Variants in SERINC5 observed in about 807,000 individuals in gnomAD.
SERINC5 encodes the protein serine incorporator 5, also known as chromosome 5 open reading frame 12.
In SERINC5, 41 loss-of-function variants were observed where a neutral mutation model predicts 63.1. The observed-to-expected ratio is 0.65, with a 90% CI of 0.51 to 0.84. The LOEUF is 0.84. SERINC5 is among the 40% of genes least tolerant of loss of function. The pLI is 0.00. For missense variants in SERINC5, 523 were observed against 573.0 expected, an observed-to-expected ratio of 0.91 and a Z score of 0.89; for synonymous variants, 222 against 215.2, an observed-to-expected ratio of 1.03 and a Z score of -0.28.
At chr5:80,225,573 T>C (rs1482920890) in intron 1 of SERINC5, among the ~76,000 whole-genome samples, 2 of 152,198 alleles carry the variant, frequency 1.3e-5, no homozygotes, top group East Asian at 3.9e-4. Flanking sequence ...TTCTTCCTGA[T>C]AGCACCCTGC....
At chr5:80,182,795 T>A (rs1748538158) in intron 2 of SERINC5, among the ~76,000 whole-genome samples, 2 of 152,050 alleles carry the variant, frequency 1.3e-5, no homozygotes, top group Admixed American at 1.3e-4. Flanking sequence ...ATCCGCCCAC[T>A]TCAGCCTCCC....
At chr5:80,227,763 C>A (rs1751235460) in intron 1 of SERINC5, among the ~76,000 whole-genome samples, 1 of 152,134 alleles carries the variant, frequency 6.6e-6, no homozygotes, top group African/African-American at 2.4e-5. Flanking sequence ...GCATGAGAAT[C>A]GCTTGAACCC....
intron 1 of SERINC5, among the ~76,000 whole-genome samples, chr5:80,225,774 A>C (rs1047360201): frequency 6.6e-6 from 1 of 152,194 alleles, no homozygotes; most frequent in Non-Finnish European, 1.5e-5. Context: ...ACAAAGCCCT[A>C]AAGACGGAAC....
At chr5:80,161,185 T>C (rs1361451453) in intron 7 of SERINC5, among the ~76,000 whole-genome samples, 1 of 152,060 alleles carries the variant, frequency 6.6e-6, no homozygotes, top group South Asian at 2.1e-4. Flanking sequence ...CTTTTTGATA[T>C]AATGATTTAT....
In SERINC5 at chr5:80,178,864, T is replaced by C. The variant is rs550886013; in HGVS notation, c.196-800A>G. On this transcript the variant is annotated intron_variant, in intron 2 of 11. Coordinates refer to ENST00000507668, the MANE Select transcript of SERINC5 (RefSeq NM_001174072.3). ...ATACATAAATGTGTGTGTATACATA[T>C]ATACAACACACTCACATATACATAT... Among the ~76,000 whole-genome samples the C allele has an allele frequency of 1.1e-4, 16 of 152,148 alleles. No homozygotes were observed. In the East Asian group the frequency reaches 2.9e-3, roughly 28 times the overall value.
chr5:80,248,297 G>A (rs939415994), intron 1 of SERINC5, among the ~76,000 whole-genome samples: 3 of 152,144 alleles, frequency 2.0e-5, no homozygotes, highest in African/African-American at 7.2e-5. Context: ...TGACTTGAAC[G>A]ACTTGAACAC....
intron 1 of SERINC5, among the ~76,000 whole-genome samples, chr5:80,211,774 C>T (rs1750443003): frequency 6.6e-6 from 1 of 152,238 alleles, no homozygotes; most frequent in Non-Finnish European, 1.5e-5. Flanking sequence ...ATGGTAACAG[C>T]TCACACACGG....
chr5:80,183,606 T>C (rs1177886426), intron 2 of SERINC5, among the ~76,000 whole-genome samples: 1 of 152,106 alleles, frequency 6.6e-6, no homozygotes, highest in Admixed American at 6.5e-5. Context: ...CATTCCACCA[T>C]TGTGATTTGT....
chr5:80,201,653 C>T (rs1444651464), intron 2 of SERINC5, among the ~76,000 whole-genome samples: 1 of 152,232 alleles, frequency 6.6e-6, no homozygotes, highest in African/African-American at 2.4e-5. Flanking sequence ...ATCCCCACCA[C>T]AGTCCCCTGT....
intron 1 of SERINC5, among the ~76,000 whole-genome samples, chr5:80,246,169 CA>C (rs1367799883): frequency 2.0e-5 from 3 of 152,032 alleles, no homozygotes; most frequent in Non-Finnish European, 1.5e-5. Flanking sequence ...AGCATGGAAT[CA>C]AGAACAAAAG....
intron 1 of SERINC5, among the ~76,000 whole-genome samples, chr5:80,224,685 G>T (rs984770187): frequency 6.6e-6 from 1 of 152,070 alleles, no homozygotes; most frequent in Non-Finnish European, 1.5e-5. Context: ...GGAATGCGAT[G>T]GTGTGATCTC....
intron 2 of SERINC5, among the ~76,000 whole-genome samples, chr5:80,190,042 G>T (rs114294119): frequency 0.031 from 4,627 of 151,574 alleles, 249 homozygotes; most frequent in African/African-American, 0.11. Context: ...TTAAATGTGT[G>T]GACCTGAACG....
intron 1 of SERINC5, among the ~76,000 whole-genome samples, chr5:80,216,203 C>A (rs534742580): frequency 6.6e-6 from 1 of 152,244 alleles, no homozygotes; most frequent in African/African-American, 2.4e-5. Context: ...CCAGAAAATT[C>A]TTTCTTGTCG....
chr5:80,136,511 T>C (rs2112268388), downstream of SERINC5, among the ~76,000 whole-genome samples: 2 of 152,198 alleles, frequency 1.3e-5, 1 homozygote, highest in East Asian at 3.9e-4. Context: ...AATTAGACTT[T>C]TATTTCATAC....
chr5:80,210,429 C>T (rs542202781), intron 1 of SERINC5, among the ~76,000 whole-genome samples: 7 of 152,250 alleles, frequency 4.6e-5, no homozygotes, highest in South Asian at 2.1e-4. Flanking sequence ...CTCTGTCCTC[C>T]GCACCAGCCT....
At chr5:80,166,050 C>T (rs766000790) in intron 7 of SERINC5, among the ~76,000 whole-genome samples, 18 of 152,116 alleles carry the variant, frequency 1.2e-4, no homozygotes, top group Non-Finnish European at 2.5e-4. Flanking sequence ...GTAACAATCA[C>T]GTCATCTAAA....
At chr5:80,134,827 C>T (rs1023335094), downstream of SERINC5, among the ~76,000 whole-genome samples, 1 of 152,214 alleles carries the variant, frequency 6.6e-6, no homozygotes, top group Non-Finnish European at 1.5e-5. Flanking sequence ...TCACACAGCA[C>T]CCTGACATGC....
intron 9 of SERINC5, among the ~76,000 whole-genome samples, chr5:80,149,165 A>C (rs1037819270): frequency 6.6e-6 from 1 of 152,134 alleles, no homozygotes; most frequent in Admixed American, 6.5e-5. Context: ...TCCTCTCTTA[A>C]ATCTAACTTG....
chr5:80,151,239 C>T (rs1321766545), intron 8 of SERINC5, among the ~76,000 whole-genome samples: 2 of 152,158 alleles, frequency 1.3e-5, no homozygotes, highest in African/African-American at 4.8e-5. Context: ...TGCCTCTCCT[C>T]CCTCAAATGC....
Sources: allele counts gnomAD v4.1 joint callset (sites outside exome capture counted in the v4.1 genomes callset), GRCh38; gene constraint gnomAD v4.1.1; transcripts MANE v1.5; gene names NCBI Gene and HGNC (gene_info 2026-07-23, HGNC 2026-07-21).